TENM4: variants seen among roughly 807,000 people sequenced by gnomAD.
The protein encoded by TENM4 is teneurin-4.
A neutral mutation model predicts 243.3 loss-of-function variants in TENM4; 82 were observed. The ratio of observed to expected loss-of-function variants is 0.34; its 90% CI spans 0.28 to 0.40. TENM4 has a LOEUF of 0.40. TENM4 is among the 10% of genes least tolerant of loss of function. The pLI, the probability that TENM4 is intolerant of heterozygous loss-of-function variation, is 1.00. For missense variants in TENM4, 3,138 were observed against 3,673.3 expected, an observed-to-expected ratio of 0.85 and a Z score of 3.77; for synonymous variants, 1,412 against 1,456.3, an observed-to-expected ratio of 0.97 and a Z score of 0.69.
intron 4 of TENM4, among the ~76,000 whole-genome samples, chr11:79,083,156 C>G (rs573355201): frequency 6.6e-6 from 1 of 152,280 alleles, no homozygotes; most frequent in African/African-American, 2.4e-5. Context: ...CCAGGGCAGT[C>G]TGAATGGAGA....
chr11:79,383,404 C>T (rs1229306824), intron 1 of TENM4, among the ~76,000 whole-genome samples: 1 of 152,234 alleles, frequency 6.6e-6, no homozygotes, highest in East Asian at 1.9e-4. Context: ...ACCCTGACTG[C>T]TCCACTTCCA....
chr11:78,978,518 G>C (rs1221913198), intron 6 of TENM4, among the ~76,000 whole-genome samples: 1 of 152,140 alleles, frequency 6.6e-6, no homozygotes, highest in Admixed American at 6.5e-5. Context: ...TGGTTCATAA[G>C]AGGAGAAGCA....
intron 6 of TENM4, among the ~76,000 whole-genome samples, chr11:78,904,334 T>C (rs1440184744): frequency 8.0e-6 from 1 of 125,568 alleles, no homozygotes; most frequent in Non-Finnish European, 1.6e-5. Flanking sequence ...CACTCCAGCC[T>C]GAGCTACAGA....
intron 4 of TENM4, among the ~76,000 whole-genome samples, chr11:79,143,853 A>G (rs1862342562): frequency 6.6e-6 from 1 of 151,932 alleles, no homozygotes; most frequent in South Asian, 2.1e-4. Context: ...TACTAAAAGA[A>G]AACATTAGAG....
rs141883486 is a variant in TENM4, at chr11:78,755,416, G to A, written c.2756+1389C>T. Among the ~76,000 whole-genome samples the A allele has an allele frequency of 2.6e-3, 396 of 152,172 alleles. 4 individuals carry two copies. The highest frequency in any genetic ancestry group is 4.3e-3 in the Non-Finnish European group (289 of 67,998). ...ACTCCCGGGCTCAAGTGATCTGCCC[G>A]CCTGAGCCTCCCAGGGTGTTGGGAT... On this transcript the variant is annotated intron_variant, in intron 19 of 33. Coordinates refer to ENST00000278550, the MANE Select transcript of TENM4 (RefSeq NM_001098816.3).
At chr11:78,951,462 A>G (rs1857107061) in intron 6 of TENM4, among the ~76,000 whole-genome samples, 1 of 152,228 alleles carries the variant, frequency 6.6e-6, no homozygotes, top group Admixed American at 6.5e-5. Context: ...TCCTTATACC[A>G]GAGCTCTGGT....
intron 6 of TENM4, among the ~76,000 whole-genome samples, chr11:79,010,368 C>T (rs1037965201): frequency 6.6e-6 from 1 of 152,132 alleles, no homozygotes; most frequent in African/African-American, 2.4e-5. Context: ...CTTTGGGCCA[C>T]TGGGGCTCAG....
intron 12 of TENM4, among the ~76,000 whole-genome samples, chr11:78,825,262 A>G (rs1419036846): frequency 6.6e-6 from 1 of 152,224 alleles, no homozygotes; most frequent in Non-Finnish European, 1.5e-5. Flanking sequence ...CAGTTTACTT[A>G]TTAGTGAAAT....
intron 9 of TENM4, among the ~76,000 whole-genome samples, chr11:78,880,676 C>T (rs1855406234): frequency 6.6e-6 from 1 of 152,178 alleles, no homozygotes; most frequent in African/African-American, 2.4e-5. Context: ...GGATAACACA[C>T]AGAAAACCGC....
intron 4 of TENM4, among the ~76,000 whole-genome samples, chr11:79,145,006 T>G (rs962522741): frequency 6.6e-6 from 1 of 152,036 alleles, no homozygotes; most frequent in African/African-American, 2.4e-5. Context: ...ATGATCAGCA[T>G]GCATTGTATG....
At chr11:79,290,301 T>C (rs1019769186) in intron 2 of TENM4, among the ~76,000 whole-genome samples, 2 of 152,272 alleles carry the variant, frequency 1.3e-5, no homozygotes, top group Non-Finnish European at 2.9e-5. Flanking sequence ...ATTGGCATAA[T>C]GCTTTCAATT....
At chr11:79,298,131 G>C (rs1856487039) in intron 1 of TENM4, among the ~76,000 whole-genome samples, 3 of 152,170 alleles carry the variant, frequency 2.0e-5, no homozygotes, top group South Asian at 4.2e-4. Context: ...GCCTTTCCAG[G>C]TGTGTGGTCA....
In TENM4 at chr11:79,202,325, TC is replaced by T. The variant is rs1863755277; in HGVS notation, c.-163+13482del. On this transcript the variant is annotated intron_variant, in intron 3 of 33. Coordinates refer to ENST00000278550, the MANE Select transcript of TENM4 (RefSeq NM_001098816.3). ...TCCACATGCAGCTGTGCCTTTCTCA[TC>T]CAGAGGCAGCTCCAAAATGAACAAC... Among the ~76,000 whole-genome samples the T allele has an allele frequency of 2.6e-5, 4 of 152,322 alleles. No individual in the cohort carries two copies. In the East Asian group the frequency reaches 7.7e-4, roughly 29 times the overall value.
intron 1 of TENM4, among the ~76,000 whole-genome samples, chr11:79,383,875 G>A (rs995287281): frequency 5.3e-5 from 8 of 152,108 alleles, no homozygotes; most frequent in Non-Finnish European, 1.0e-4. Flanking sequence ...AAGAAACCAC[G>A]GCACAGAAAT....
At chr11:78,980,388 G>A (rs1015706272) in intron 6 of TENM4, among the ~76,000 whole-genome samples, 1 of 152,182 alleles carries the variant, frequency 6.6e-6, no homozygotes, top group African/African-American at 2.4e-5. Context: ...CTGGTAAGGC[G>A]AGAGCCAGGA....
intron 5 of TENM4, chr11:79,067,833 A>G (rs1172855194): frequency 1.3e-5 from 2 of 152,208 alleles, no homozygotes. Context: ...CTCACTCAAC[A>G]TCTAGCTGTG....
chr11:79,112,170 G>T (rs930669543), intron 4 of TENM4, among the ~76,000 whole-genome samples: 40 of 152,168 alleles, frequency 2.6e-4, no homozygotes, highest in African/African-American at 7.7e-4. Context: ...AGAGATGCAC[G>T]TGTGCGCACA....
chr11:78,889,626 G>T (rs1855617801), intron 9 of TENM4, among the ~76,000 whole-genome samples, 159 bp downstream of exon 9: 2 of 152,236 alleles, frequency 1.3e-5, no homozygotes, highest in African/African-American at 4.8e-5. Context: ...CCCTTGCAGT[G>T]TCAGGGGTGC....
intron 12 of TENM4, among the ~76,000 whole-genome samples, chr11:78,840,610 T>C (rs897504798): frequency 6.6e-6 from 1 of 152,178 alleles, no homozygotes; most frequent in African/African-American, 2.4e-5. Context: ...AAATCTTTGC[T>C]TAATTGTAAA....
Sources: gnomAD v4.1 joint callset for allele counts (sites outside exome capture counted in the v4.1 genomes callset) on GRCh38, gnomAD v4.1.1 for gene constraint, MANE v1.5 for transcripts, NCBI Gene and HGNC (gene_info 2026-07-23, HGNC 2026-07-21) for gene names.